The following TIAM1 variants were observed in gnomAD, a reference collection of about 807,000 sequenced individuals.
TIAM1 encodes TIAM Rac1 associated GEF 1, also known as rho guanine nucleotide exchange factor TIAM1.
In TIAM1, 65 loss-of-function variants were observed where a neutral mutation model predicts 163.5. The observed-to-expected ratio is 0.40, with a 90% CI of 0.33 to 0.49. The LOEUF (loss-of-function observed/expected upper bound fraction) is 0.49, where lower values mean the gene tolerates loss of function less well. Among genes scored for constraint, TIAM1 ranks in the 20% least tolerant of loss-of-function variants. TIAM1 has a pLI of 0.77. For synonymous variants in TIAM1, 833 were observed against 810.1 expected (o/e 1.03, Z -0.48); for missense variants, 1,789 against 2,044.7 (o/e 0.87, Z 2.41).
intron 23 of TIAM1, among the ~76,000 whole-genome samples, 175 bp from the exon 24 acceptor site, chr21:31,131,123 T>C (rs1249766022): frequency 6.6e-6 from 1 of 152,174 alleles, no homozygotes; most frequent in Non-Finnish European, 1.5e-5. Flanking sequence ...CAAAAGCCTA[T>C]TGAGACACAA....
chr21:31,338,148 G>A (rs989182395), intron 2 of TIAM1, among the ~76,000 whole-genome samples: 5 of 152,222 alleles, frequency 3.3e-5, no homozygotes, highest in African/African-American at 1.2e-4. Context: ...GAAAGGAGTG[G>A]CTACGCTGCT....
intron 1 of TIAM1, among the ~76,000 whole-genome samples, chr21:31,521,773 C>CACAT (rs2047600286): frequency 1.3e-5 from 2 of 151,842 alleles, no homozygotes; most frequent in African/African-American, 4.8e-5. Flanking sequence ...CACACACACA[C>CACAT]ACACAAAGTA....
intron 2 of TIAM1, among the ~76,000 whole-genome samples, chr21:31,442,319 A>G (rs139386833): frequency 0.06 from 8,022 of 134,052 alleles, 733 homozygotes; most frequent in African/African-American, 0.21. Flanking sequence ...TGCAACCTCC[A>G]CCTCCTGGGC....
intron 11 of TIAM1, among the ~76,000 whole-genome samples, chr21:31,205,467 A>C (rs1174893877): frequency 6.6e-6 from 1 of 152,216 alleles, no homozygotes; most frequent in Non-Finnish European, 1.5e-5. Context: ...CTGGTTCCTG[A>C]AACTTCAGTG....
At chr21:31,127,308 T>G (rs796909441) in intron 25 of TIAM1, among the ~76,000 whole-genome samples, 156 bp from the exon 26 acceptor site, 9 of 152,270 alleles carry the variant, frequency 5.9e-5, no homozygotes, top group African/African-American at 2.2e-4. Context: ...TCTAAAGAGA[T>G]GAAGCGACTG....
intron 6 of TIAM1, among the ~76,000 whole-genome samples, chr21:31,230,126 T>C (rs1372002461): frequency 2.6e-5 from 4 of 152,126 alleles, no homozygotes; most frequent in Non-Finnish European, 5.9e-5. Context: ...CTGCCTCAGT[T>C]AGAACCTCCC....
chr21:31,288,366 T>C (rs1286226273), intron 2 of TIAM1, among the ~76,000 whole-genome samples: 1 of 152,324 alleles, frequency 6.6e-6, no homozygotes, highest in East Asian at 1.9e-4. Context: ...TTCTAGGGGC[T>C]GGGAAGTCCA....
chr21:31,177,890 CA>C (rs2146419419), intron 15 of TIAM1, among the ~76,000 whole-genome samples: 1 of 152,306 alleles, frequency 6.6e-6, no homozygotes, highest in East Asian at 1.9e-4. Context: ...ACGTGGACCC[CA>C]AGGTCCCTGA....
intron 2 of TIAM1, among the ~76,000 whole-genome samples, chr21:31,279,846 C>CT (rs950792981): frequency 5.9e-5 from 9 of 152,166 alleles, no homozygotes; most frequent in African/African-American, 1.9e-4. Context: ...TGCAGGCTTC[C>CT]TTAGCAAAAT....
chr21:31,142,698 C>T (rs1239129002), intron 20 of TIAM1, among the ~76,000 whole-genome samples: 1 of 151,752 alleles, frequency 6.6e-6, no homozygotes, highest in African/African-American at 2.4e-5. Context: ...GATGCAGAAG[C>T]AGCAGCATCT....
At chr21:31,380,854 A>G (rs1327104971) in intron 2 of TIAM1, among the ~76,000 whole-genome samples, 3 of 152,158 alleles carry the variant, frequency 2.0e-5, no homozygotes, top group African/African-American at 4.8e-5. Context: ...TCGGTTAGGG[A>G]CAGGGGCTTT....
chr21:31,139,868 A>G (rs2248150), intron 22 of TIAM1, among the ~76,000 whole-genome samples: 95,370 of 152,076 alleles, frequency 0.63, 30,642 homozygotes, highest in African/African-American at 0.76. Context: ...TTCTTTGTAA[A>G]GTGTAGGTAA....
intron 17 of TIAM1, 55 bp downstream of exon 17, chr21:31,154,192 A>T (rs2083505722): frequency 1.9e-6 from 3 of 1,569,562 alleles, no homozygotes; most frequent in South Asian, 2.3e-5. Context: ...CAGACACACC[A>T]ACTTCACTCC....
chr21:31,452,578 C>T, intron 2 of TIAM1: 1 of 596,526 alleles, frequency 1.7e-6, no homozygotes, highest in Non-Finnish European at 3.1e-6. Context: ...CTCTGTACTT[C>T]CTGGAATCGA....
intron 16 of TIAM1, among the ~76,000 whole-genome samples, chr21:31,164,448 GAGA>G (rs2084107578): frequency 6.6e-6 from 1 of 151,724 alleles, no homozygotes; most frequent in Non-Finnish European, 1.5e-5. Context: ...AAAAAGTCAG[GAGA>G]ACTTTCTTAC....
intron 1 of TIAM1, among the ~76,000 whole-genome samples, chr21:31,498,450 C>T (rs1166741458): frequency 6.6e-6 from 1 of 152,188 alleles, no homozygotes; most frequent in East Asian, 1.9e-4. Context: ...CGCAGCACCC[C>T]CACTCTCCCT....
intron 8 of TIAM1, 46 bp from the exon 9 acceptor site, chr21:31,217,745 C>A: frequency 6.3e-7 from 1 of 1,596,462 alleles, no homozygotes; most frequent in Non-Finnish European, 8.6e-7. Context: ...TGCATCAGGA[C>A]CACCCACTTG....
chr21:31,245,657 C>A lies in TIAM1; in HGVS notation c.1415G>T (p.Cys472Phe). The change falls in exon 6 of 28, where the codon TGC (cysteine) becomes TTC (phenylalanine). Residue 472 changes from cysteine (C) to phenylalanine (F), a missense_variant. By Grantham distance (205) the Cys-to-Phe change is radical (BLOSUM62 -2). Transcript: ENST00000541036. Reference sequence around the variant, plus strand: ...GTCGCTCTCGTAGAAAAATAGCGTGCATCCTGAGGAAACAGAACAGGGGTG... The same window carrying A: ...GTCGCTCTCGTAGAAAAATAGCGTGAATCCTGAGGAAACAGAACAGGGGTG... ...WKHYWVSLKGCTLFFYESDGR... is the reference protein window; with the variant it reads ...WKHYWVSLKGFTLFFYESDGR... The A allele has an allele frequency of 6.4e-7, 1 of 1,570,768 alleles. No individual in the cohort carries two copies.
At position 31,291,469 on chromosome 21, in the gene TIAM1, C is replaced by T. The variant is rs141469721; in HGVS notation, c.-188-14561G>A. On this transcript the variant is annotated intron_variant, in intron 2 of 27. Coordinates refer to ENST00000541036, the MANE Select transcript of TIAM1 (RefSeq NM_001353694.2). ...TGCATCTGATCCTGCTGATCTGCACCCCCTCCAAAATACACACCCTTCCCT... is the reference window on the plus strand; with the variant it reads ...TGCATCTGATCCTGCTGATCTGCACTCCCTCCAAAATACACACCCTTCCCT... Among the ~76,000 whole-genome samples the T allele has an allele frequency of 1.4e-4, 21 of 152,260 alleles. No individual in the cohort carries two copies. In the East Asian group the frequency reaches 3.5e-3, roughly 25 times the overall value.
Sources: gnomAD v4.1 joint callset for allele counts (sites outside exome capture counted in the v4.1 genomes callset) on GRCh38, gnomAD v4.1.1 for gene constraint, MANE v1.5 for transcripts, NCBI Gene and HGNC (gene_info 2026-07-23, HGNC 2026-07-21) for gene names.